POLR1A: variants seen among roughly 807,000 people sequenced by gnomAD.
The protein encoded by POLR1A is RNA polymerase I subunit A, also known as DNA-directed RNA polymerase I subunit RPA1.
POLR1A carries 84 observed loss-of-function variants against 205.3 expected under a neutral mutation model. The ratio of observed to expected loss-of-function variants is 0.41; its 90% CI spans 0.34 to 0.49. POLR1A has a LOEUF of 0.49. Ranked by LOEUF, POLR1A falls within the 20% of genes least tolerant of loss-of-function variation. The pLI is 0.22. For synonymous variants in POLR1A, 799 were observed against 863.7 expected, an observed-to-expected ratio of 0.93 and a Z score of 1.31; for missense variants, 1,645 against 2,204.5, an observed-to-expected ratio of 0.75 and a Z score of 5.08.
At chr2:86,082,616 G>A (rs988939744) in intron 7 of POLR1A, among the ~76,000 whole-genome samples, 6 of 151,556 alleles carry the variant, frequency 4.0e-5, no homozygotes, top group Non-Finnish European at 5.9e-5. Flanking sequence ...TATAGTCAGC[G>A]TTCCACAACA....
At position 86,031,418 on chromosome 2, in the gene POLR1A, G is replaced by A. The variant is rs2104380429; in HGVS notation, c.4490C>T (p.Ala1497Val). The stretch of plus-strand genomic sequence containing the variant: ...CACAGCCTGGACCCGGCGCTCCATG[G>A]CCTCGGGCCCCTGGGGCTCCTGGCT... Reference protein sequence around the residue: ...THSQEPQGPEAMERRVQAVRE... With the variant: ...THSQEPQGPEVMERRVQAVRE... Residue 1497 changes from alanine (A) to valine (V), a missense_variant, in exon 30 of 34, where the codon GCC becomes GTC. Around this residue, in one of 16 missense-constraint regions of POLR1A, gnomAD observed 394 missense variants for 468.5 expected, o/e 0.84. Transcript: ENST00000263857. The A allele has an allele frequency of 1.2e-6, 2 of 1,613,736 alleles. No individual in the cohort carries two copies. The highest frequency in any genetic ancestry group is 2.2e-5 in the East Asian group (1 of 44,874).
intron 22 of POLR1A, 24 bp from the exon 23 acceptor site, chr2:86,043,219 A>T: frequency 6.4e-7 from 1 of 1,574,104 alleles, no homozygotes; most frequent in Non-Finnish European, 8.7e-7. Flanking sequence ...CAAAAAAACA[A>T]ACAAACAAAT....
rs1573796093 is a variant in POLR1A at position 86,024,215 on chromosome 2, T to C, written c.*3208A>G. ...GGCAATTCTGACACATGCTACAGCA[T>C]GGATGAACCTTGAGGACATTATGCT... On this transcript the variant is annotated 3_prime_UTR_variant, in exon 34 of 34. Transcript: ENST00000263857. 2.4e-5 allele frequency: 5 copies of C among 206,292 alleles called. No individual in the cohort carries two copies. In the South Asian group the frequency reaches 5.0e-4, roughly 21 times the overall value. The allele number at this position is 206,292 out of a possible 1,614,324, so 12.8% of individuals were successfully genotyped here.
Position 86,028,461 on chromosome 2 carries a change from G to C in POLR1A, c.4897+133C>G. On this transcript the variant is annotated intron_variant, in intron 32 of 33. Coordinates refer to ENST00000263857, the MANE Select transcript of POLR1A (RefSeq NM_015425.6). The surrounding 1 kb of genome is among the most constrained non-coding windows in gnomAD (Gnocchi z 4.5). ...TCTCCTACAGGTGCACTCACTGCAC[G>C]CATGCTGCAGTGCCTGCCTTAGTGC... The C allele has an allele frequency of 1.4e-6, 1 of 711,656 alleles. No individual in the cohort carries two copies. Among genetic ancestry groups the C allele is most frequent in the East Asian group, 2.5e-5 (1 of 40,250 alleles). 44.1% of individuals were successfully genotyped at this position (711,656 alleles called of 1,614,324 possible).
chr2:86,094,157 TTC>T (rs1014047570), intron 3 of POLR1A, among the ~76,000 whole-genome samples: 2 of 152,178 alleles, frequency 1.3e-5, no homozygotes, highest in African/African-American at 4.8e-5. Context: ...GGTAAAGTTA[TTC>T]TCTCTCTCTG....
rs1673317922 is a variant in POLR1A at position 86,077,805 on chromosome 2, GCGCGCGCACACACA to G, written c.1380+40_1380+53del. The G allele has an allele frequency of 1.3e-5, 13 of 1,013,496 alleles. No individual in the cohort carries two copies. In the South Asian group the frequency reaches 1.4e-4, roughly 11 times the overall value. 62.8% of individuals were successfully genotyped at this position (1,013,496 alleles called of 1,614,324 possible). A position where few individuals can be genotyped will look rare whatever the true frequency, so the allele number is the denominator to read the frequency against. On this transcript the variant is annotated intron_variant, in intron 11 of 33. Transcript: ENST00000263857. ...CGGGGAGCAAATGAGCCCTGCACGC[GCGCGCGCACACACA>G]CACACACACACACACACACACACAC...
At chr2:86,047,124 TGCTGACACCTGTAAA>T in intron 19 of POLR1A, 26 bp downstream of exon 19, 1 of 1,398,210 alleles carries the variant, frequency 7.2e-7, no homozygotes, top group Non-Finnish European at 1.0e-6. Context: ...CACCTGCCTT[TGCTGACACCTGTAAA>T]GCTGCCAACC....
At chr2:86,058,709 A>G (rs1226717343) in intron 14 of POLR1A, among the ~76,000 whole-genome samples, 2 of 152,090 alleles carry the variant, frequency 1.3e-5, no homozygotes, top group African/African-American at 4.8e-5. Context: ...ATTATTATTT[A>G]TACTAAGCCT....
chr2:86,055,750 A>C (rs1237860990), intron 14 of POLR1A, among the ~76,000 whole-genome samples: 1 of 152,218 alleles, frequency 6.6e-6, no homozygotes, highest in Non-Finnish European at 1.5e-5. Flanking sequence ...TTCAGGATAA[A>C]AATACTCAAC....
In POLR1A at chr2:86,045,626, G is replaced by A; in HGVS notation, c.2877C>T (p.Ile959=). 6.2e-7 allele frequency: 1 copy of A among 1,614,178 alleles called. No homozygotes were observed. Residue 959 remains isoleucine, a synonymous_variant, in exon 20 of 34, where the codon ATC becomes ATT. Transcript: ENST00000263857. ...AAACCAAAATACATACAGGAGGTTT[G>A]ATGCCGGTGAGGAACCTGCCAGTGA... is the stretch of plus-strand genomic sequence containing the variant. ...GFVTGRFLTG[I]KPPEFFFHCM...
At chr2:86,057,268 C>T (rs1028041341) in intron 14 of POLR1A, among the ~76,000 whole-genome samples, 1 of 151,758 alleles carries the variant, frequency 6.6e-6, no homozygotes, top group Admixed American at 6.6e-5. Flanking sequence ...AGAAATAGAA[C>T]TAGAATTAGA....
chr2:86,047,122 T>G (rs749990082), intron 19 of POLR1A, 43 bp downstream of exon 19: 1 of 1,388,614 alleles, frequency 7.2e-7, no homozygotes, highest in Non-Finnish European at 1.0e-6. Context: ...CCCACCTGCC[T>G]TTGCTGACAC....
At chr2:86,097,971 G>C (rs1404888442) in intron 3 of POLR1A, among the ~76,000 whole-genome samples, 1 of 152,146 alleles carries the variant, frequency 6.6e-6, no homozygotes, top group Non-Finnish European at 1.5e-5. Context: ...TACACTGTCT[G>C]TATCACACCA....
At chr2:86,033,391 C>T (rs1672432595) in intron 28 of POLR1A, among the ~76,000 whole-genome samples, 1 of 152,376 alleles carries the variant, frequency 6.6e-6, no homozygotes, top group East Asian at 1.9e-4. Flanking sequence ...AGACCACTTA[C>T]AGCGGGCTCT....
In POLR1A at chr2:86,081,715, G is replaced by A. The variant is rs756199202; in HGVS notation, c.818-9C>T. The A allele has an allele frequency of 4.5e-6, 7 of 1,551,176 alleles. No homozygotes were observed. The highest frequency in any genetic ancestry group is 6.2e-6 in the Non-Finnish European group (7 of 1,127,326). ...GTAGTTCAGAAAGAATCCTGCGTTG[G>A]AAAGAAATAAACCAAGAAGACCATT... is the stretch of plus-strand genomic sequence containing the variant. On this transcript the variant is annotated splice_polypyrimidine_tract_variant and intron_variant, in intron 7 of 33. Coordinates refer to ENST00000263857, the MANE Select transcript of POLR1A (RefSeq NM_015425.6).
intron 6 of POLR1A, among the ~76,000 whole-genome samples, chr2:86,085,205 C>T (rs1440746049): frequency 1.3e-5 from 2 of 152,290 alleles, no homozygotes; most frequent in East Asian, 3.9e-4. Flanking sequence ...TTGCAATCCG[C>T]CCGCCTCAGC....
chr2:86,053,933 G>T (rs1573813163), intron 15 of POLR1A, among the ~76,000 whole-genome samples: 1 of 152,334 alleles, frequency 6.6e-6, no homozygotes, highest in Admixed American at 6.5e-5. Flanking sequence ...TAAACTGCTT[G>T]TGAGTTTTAT....
Position 86,105,799 on chromosome 2 carries a change from C to G in POLR1A, c.-23G>C. 1.9e-6 allele frequency: 3 copies of G among 1,600,830 alleles called. No homozygotes were observed. The highest frequency in any genetic ancestry group is 2.6e-6 in the Non-Finnish European group (3 of 1,167,840). On this transcript the variant is annotated 5_prime_UTR_variant, in exon 1 of 34. Coordinates refer to ENST00000263857, the MANE Select transcript of POLR1A (RefSeq NM_015425.6). ...CATCCTCCAGGTCCGTTTTGAATTC[C>G]GACACCCCAAGAGACGTTCCACTCA... is the stretch of plus-strand genomic sequence containing the variant.
Position 86,052,932 on chromosome 2 carries a change from G to T in POLR1A, c.2277C>A (p.Tyr759Ter). 6.2e-7 allele frequency: 1 copy of T among 1,609,350 alleles called. No homozygotes were observed. Among genetic ancestry groups the T allele is most frequent in the Non-Finnish European group, 8.5e-7 (1 of 1,177,708 alleles). The change falls in exon 16 of 34, where the codon TAC becomes TAA. Residue 759 changes from tyrosine to a stop codon, truncating the protein, a stop_gained. Coordinates refer to ENST00000263857, the MANE Select transcript of POLR1A (RefSeq NM_015425.6). LOFTEE classifies it high-confidence loss of function. The part of the protein sequence containing the change: ...LDKAHYGSSA[Y>*]GLVHCCYEIY... ...TCTCATAGCAGCAGTGGACCAGGCCGTAGGCGGAGCTCCCATAGTGCGCCT... is the reference window on the plus strand; with the variant it reads ...TCTCATAGCAGCAGTGGACCAGGCCTTAGGCGGAGCTCCCATAGTGCGCCT...
Sources: allele counts gnomAD v4.1 joint callset (sites outside exome capture counted in the v4.1 genomes callset), GRCh38; gene constraint gnomAD v4.1.1; regional missense constraint gnomAD v4.1.1; non-coding constraint Gnocchi (gnomAD v3.1); transcripts MANE v1.5; gene names NCBI Gene and HGNC (gene_info 2026-07-23, HGNC 2026-07-21).